The following CEACAM16 variants were observed in gnomAD, a reference collection of about 807,000 sequenced individuals.
The protein encoded by CEACAM16 is CEA cell adhesion molecule 16, tectorial membrane component, also known as cell adhesion molecule CEACAM16.
A neutral mutation model predicts 39.4 loss-of-function variants in CEACAM16; 30 were observed. That is an observed-to-expected ratio of 0.76 (90% CI 0.57 to 1.03). The LOEUF (loss-of-function observed/expected upper bound fraction) is 1.03. CEACAM16 is among the 50% of genes least tolerant of loss of function. The probability of loss-of-function intolerance (pLI) is 0.00; values close to 1 mark genes in which losing one functional copy is unlikely to be tolerated. For synonymous variants in CEACAM16, 262 were observed against 264.9 expected (o/e 0.99, Z 0.11); for missense variants, 521 against 585.3 (o/e 0.89, Z 1.13).
rs1007942267 is a variant in CEACAM16 at position 44,701,306 on chromosome 19, G to C, written c.-96-55G>C. The C allele has an allele frequency of 2.3e-6, 2 of 862,418 alleles. No homozygotes were observed. The highest frequency in any genetic ancestry group is 2.0e-5 in the Admixed American group (1 of 49,776). The allele number at this position is 862,418 out of a possible 1,614,324, so 53.4% of individuals were successfully genotyped here. On this transcript the variant is annotated intron_variant, in intron 1 of 6. Coordinates refer to ENST00000587331, the MANE Select transcript of CEACAM16 (RefSeq NM_001039213.4). The surrounding 1 kb of genome is among the most constrained non-coding windows in gnomAD (Gnocchi z 4.0). ...CCGGGCCCCAGATCCTTGGTGACTC[G>C]ATCCCTCCAAATTCAGGTGATCTCC...
chr19:44,703,362 T>C lies in CEACAM16; in HGVS notation c.51T>C (p.Asn17=), dbSNP rs202230938. 3,872 of 1,609,440 alleles carry C rather than the reference T, an allele frequency of 2.4e-3. 117 individuals are homozygous for C. The South Asian group carries it at 0.04, about 17-fold the overall frequency. ...SWLLLSATFL[N]VGAEISITLE... is the part of the protein sequence containing the mutation. The stretch of plus-strand genomic sequence containing the variant: ...CCTCTTCCTCAGCCACATTCCTGAA[T>C]GTGGGGGCCGAGATCTCTATCACCC... The change falls in exon 3 of 7, where the codon AAT becomes AAC. Residue 17 remains asparagine, a synonymous_variant. Coordinates refer to ENST00000587331, the MANE Select transcript of CEACAM16 (RefSeq NM_001039213.4).
Position 44,705,802 on chromosome 19 carries a change from A to G in CEACAM16, c.874A>G (p.Thr292Ala), listed in dbSNP as rs1423589746. ...GACAGCCGCCCAGGAGGGGACGTAC[A>G]CATGTATTGCGAAGAACACCAAGAC... Reference protein sequence around the residue: ...SMTAAQEGTYTCIAKNTKTLL... With the variant: ...SMTAAQEGTYACIAKNTKTLL... The change falls in exon 5 of 7, where the codon ACA becomes GCA. Residue 292 changes from threonine (T) to alanine (A), a missense_variant. Physicochemically the swap from Thr to Ala is moderately conservative, Grantham distance 58. Transcript: ENST00000587331. The G allele has an allele frequency of 3.7e-6, 6 of 1,614,010 alleles. No homozygotes were observed. In the Admixed American group the frequency reaches 6.7e-5, roughly 18 times the overall value.
intron 1 of CEACAM16, among the ~76,000 whole-genome samples, chr19:44,700,792 A>C (rs1974332949): frequency 6.6e-6 from 1 of 152,236 alleles, no homozygotes; most frequent in Non-Finnish European, 1.5e-5. Context: ...GCCAACAAGA[A>C]GGAGAGCCCC....
At chr19:44,703,755 C>T in intron 3 of CEACAM16, 62 bp downstream of exon 3, 1 of 1,266,706 alleles carries the variant, frequency 7.9e-7, no homozygotes, top group Non-Finnish European at 1.1e-6. Context: ...CTTCTCAATC[C>T]TTCTTTTTTT....
chr19:44,699,607 C>T (rs1413625322), intron 1 of CEACAM16, among the ~76,000 whole-genome samples: 2 of 152,052 alleles, frequency 1.3e-5, no homozygotes, highest in African/African-American at 2.4e-5. Context: ...GAACTCCTGA[C>T]CTCAGTTGAT....
At chr19:44,710,470 G>T in intron 6 of CEACAM16, 26 bp from the exon 7 acceptor site, 1 of 1,606,914 alleles carries the variant, frequency 6.2e-7, no homozygotes, top group South Asian at 1.1e-5. Flanking sequence ...ATCCTCCTTC[G>T]CCCCCTCGCC....
At chr19:44,703,309 A>C in intron 2 of CEACAM16, 40 bp from the exon 3 acceptor site, 1 of 1,561,614 alleles carries the variant, frequency 6.4e-7, no homozygotes, top group Middle Eastern at 1.7e-4. Flanking sequence ...GCGATTGATC[A>C]AACCTGCCTC....
intron 6 of CEACAM16, 34 bp from the exon 7 acceptor site, chr19:44,710,462 C>T (rs758200407): frequency 1.9e-5 from 30 of 1,604,152 alleles, no homozygotes; most frequent in Non-Finnish European, 3.4e-6. Flanking sequence ...TCTCTGACAT[C>T]CTCCTTCGCC....
At position 44,705,852 on chromosome 19, in the gene CEACAM16, C is replaced by G. The variant is rs537505779; in HGVS notation, c.924C>G (p.Val308=). 1 of 1,612,228 alleles carries G rather than the reference C, an allele frequency of 6.2e-7. No homozygotes were observed. The highest frequency in any genetic ancestry group is 8.5e-7 in the Non-Finnish European group (1 of 1,178,514). Residue 308 remains valine, a synonymous_variant, in exon 5 of 7, where the codon GTC becomes GTG. Transcript: ENST00000587331. ...CCCTGCTATCTGGATCTGCCTCAGT[C>G]GTGGTCAAGCTCTCTGGTGAGTCAC... ...TKTLLSGSAS[V]VVKLSAAAVA...
At chr19:44,703,813 T>C (rs1974393326) in intron 3 of CEACAM16, 120 bp downstream of exon 3, 8 of 1,053,064 alleles carry the variant, frequency 7.6e-6, no homozygotes, top group Non-Finnish European at 1.1e-5. Flanking sequence ...CATCAGGGAA[T>C]AAGTTTCTAA....
At position 44,708,007 on chromosome 19, in the gene CEACAM16, AGCCAGCT is replaced by A; in HGVS notation, c.1091_1097del (p.Gln364ArgfsTer28). ...TGCCTCCGAGCCCAACCGGCTGCTC[AGCCAGCT>A]GCCGTCAGGAACCTGGATTGCAGGC... On this transcript the variant is annotated frameshift_variant, in exon 6 of 7. Transcript: ENST00000587331. LOFTEE classifies it high-confidence loss of function. The A allele has an allele frequency of 6.2e-7, 1 of 1,610,246 alleles. No individual in the cohort carries two copies. Among genetic ancestry groups the A allele is most frequent in the Non-Finnish European group, 8.5e-7 (1 of 1,178,802 alleles).
In CEACAM16 at chr19:44,699,252, C is replaced by T. The variant is rs1974305919; in HGVS notation, c.-105C>T. ...TGATTTACTGAGCATTTACTCTGCG[C>T]CAGTCGTGGTAAGTACTGTACTTCA... On this transcript the variant is annotated 5_prime_UTR_variant, in exon 1 of 7. Transcript: ENST00000587331. 1.9e-6 allele frequency: 1 copy of T among 534,200 alleles called. No individual in the cohort carries two copies. The highest frequency in any genetic ancestry group is 3.8e-6 in the Non-Finnish European group (1 of 259,922). The allele number at this position is 534,200 out of a possible 1,614,324, so 33.1% of individuals were successfully genotyped here. A position where few individuals can be genotyped will look rare whatever the true frequency, so the allele number is the denominator to read the frequency against.
intron 1 of CEACAM16, among the ~76,000 whole-genome samples, chr19:44,700,813 T>C (rs1974333395): frequency 6.6e-6 from 1 of 152,200 alleles, no homozygotes; most frequent in African/African-American, 2.4e-5. Context: ...AAAGAAAGCA[T>C]GTGGCCATAC....
rs1599808030 is a variant in CEACAM16, at chr19:44,701,989, T to A, written c.37+496T>A. 6.6e-6 allele frequency among the ~76,000 whole-genome samples: 1 copy of A among 152,164 alleles called. No individual in the cohort carries two copies. The highest frequency in any genetic ancestry group is 1.5e-5 in the Non-Finnish European group (1 of 68,016). On this transcript the variant is annotated intron_variant, in intron 2 of 6. Transcript: ENST00000587331. This position sits in a 1 kb window ranked among gnomAD's most constrained non-coding sequence, Gnocchi z 4.0. Reference sequence around the variant, plus strand: ...CCGGAGCTGTTCTGAGAGCTTCTCATGGTTTAAAACCACCTATGAGGGGCC... The same window carrying A: ...CCGGAGCTGTTCTGAGAGCTTCTCAAGGTTTAAAACCACCTATGAGGGGCC...
At chr19:44,705,470 T>TC (rs1429110591) in intron 4 of CEACAM16, 120 bp from the exon 5 acceptor site, 4 of 1,011,968 alleles carry the variant, frequency 4.0e-6, no homozygotes, top group Admixed American at 2.9e-5. Flanking sequence ...GAGCTTTTTT[T>TC]CCCCTCCACT....
In CEACAM16 at chr19:44,705,527, G is replaced by A; in HGVS notation, c.662-63G>A. On this transcript the variant is annotated intron_variant, in intron 4 of 6. Transcript: ENST00000587331. ...CCTAGCTTGGTGGAGAGAAAACCAGGGGTACCAACCTCCACTCCTCCTTCC... is the reference window on the plus strand; with the variant it reads ...CCTAGCTTGGTGGAGAGAAAACCAGAGGTACCAACCTCCACTCCTCCTTCC... 4 of 1,502,456 alleles carry A rather than the reference G, an allele frequency of 2.7e-6. No individual in the cohort carries two copies. In the South Asian group the frequency reaches 4.0e-5, roughly 15 times the overall value. 93.1% of individuals were successfully genotyped at this position (1,502,456 alleles called of 1,614,324 possible). A position where few individuals can be genotyped will look rare whatever the true frequency, so the allele number is the denominator to read the frequency against.
chr19:44,705,918 C>T (rs952900884), intron 5 of CEACAM16, 50 bp downstream of exon 5: 1 of 1,570,828 alleles, frequency 6.4e-7, no homozygotes, highest in Non-Finnish European at 8.7e-7. Flanking sequence ...GAGGCCTCAT[C>T]AGGCTGCGAA....
In CEACAM16 at chr19:44,703,431, C is replaced by T. The variant is rs566182396; in HGVS notation, c.120C>T (p.Val40=). The part of the protein sequence containing the change: ...QPSEGDNVTL[V]VHGLSGELLA... Reference sequence around the variant, plus strand: ...GCGAAGGGGACAACGTCACGCTGGTCGTCCATGGGCTTTCGGGGGAACTGC... The same window carrying T: ...GCGAAGGGGACAACGTCACGCTGGTTGTCCATGGGCTTTCGGGGGAACTGC... The change falls in exon 3 of 7, where the codon GTC becomes GTT. Residue 40 remains valine (V), a synonymous_variant. Coordinates refer to ENST00000587331, the MANE Select transcript of CEACAM16 (RefSeq NM_001039213.4). The T allele has an allele frequency of 3.1e-6, 5 of 1,613,818 alleles. No homozygotes were observed. Among genetic ancestry groups the T allele is most frequent in the Admixed American group, 1.7e-5 (1 of 60,016 alleles).
At position 44,701,301 on chromosome 19, in the gene CEACAM16, G is replaced by T; in HGVS notation, c.-96-60G>T. On this transcript the variant is annotated intron_variant, in intron 1 of 6. Coordinates refer to ENST00000587331, the MANE Select transcript of CEACAM16 (RefSeq NM_001039213.4). The surrounding 1 kb of genome is among the most constrained non-coding windows in gnomAD (Gnocchi z 4.0). ...CCAAACCGGGCCCCAGATCCTTGGTGACTCGATCCCTCCAAATTCAGGTGA... is the reference window on the plus strand; with the variant it reads ...CCAAACCGGGCCCCAGATCCTTGGTTACTCGATCCCTCCAAATTCAGGTGA... The T allele has an allele frequency of 2.4e-6, 2 of 838,002 alleles. No individual in the cohort carries two copies. Among genetic ancestry groups the T allele is most frequent in the South Asian group, 3.0e-5 (2 of 67,420 alleles). The allele number at this position is 838,002 out of a possible 1,614,324, so 51.9% of individuals were successfully genotyped here.
Sources: gnomAD v4.1 joint callset for allele counts (sites outside exome capture counted in the v4.1 genomes callset) on GRCh38, gnomAD v4.1.1 for gene constraint, Gnocchi (gnomAD v3.1) non-coding constraint, MANE v1.5 for transcripts, NCBI Gene and HGNC (gene_info 2026-07-23, HGNC 2026-07-21) for gene names.